NTM: variants seen among roughly 807,000 people sequenced by gnomAD.
The protein encoded by NTM is neurotrimin.
A neutral mutation model predicts 42.1 loss-of-function variants in NTM; 13 were observed. The ratio of observed to expected loss-of-function variants is 0.31; its 90% CI spans 0.20 to 0.49. The LOEUF (loss-of-function observed/expected upper bound fraction) is 0.49. Ranked by LOEUF, NTM falls within the 20% of genes least tolerant of loss-of-function variation. The pLI is 0.99. For missense variants in NTM, 373 were observed against 452.8 expected, an observed-to-expected ratio of 0.82 and a Z score of 1.60; for synonymous variants, 187 against 179.2, an observed-to-expected ratio of 1.04 and a Z score of -0.35.
chr11:131,418,612 G>A (rs957026770), intron 1 of NTM, among the ~76,000 whole-genome samples: 2 of 152,172 alleles, frequency 1.3e-5, no homozygotes, highest in African/African-American at 4.8e-5. Flanking sequence ...AATTGGCCTC[G>A]AAAGCCCACA....
chr11:132,060,740 A>G (rs974233026), intron 2 of NTM, among the ~76,000 whole-genome samples: 1 of 152,122 alleles, frequency 6.6e-6, no homozygotes, highest in Admixed American at 6.5e-5. Context: ...TTATCTTTTC[A>G]TGAGGGTCTA....
intron 1 of NTM, among the ~76,000 whole-genome samples, chr11:131,743,658 G>C (rs1042868245): frequency 3.3e-5 from 5 of 152,174 alleles, no homozygotes; most frequent in Non-Finnish European, 7.3e-5. Context: ...ACACCTGCAA[G>C]CTACTGCACC....
At chr11:131,883,499 G>A (rs1371849590) in intron 1 of NTM, among the ~76,000 whole-genome samples, 2 of 116,100 alleles carry the variant, frequency 1.7e-5, no homozygotes, top group African/African-American at 5.5e-5. Flanking sequence ...AACAGAGAGG[G>A]AGAGAGAAAA....
chr11:131,944,501 A>G (rs964963508), intron 2 of NTM, among the ~76,000 whole-genome samples: 1 of 152,202 alleles, frequency 6.6e-6, no homozygotes, highest in Non-Finnish European at 1.5e-5. Flanking sequence ...TGATATCAGC[A>G]TGTAATCTCA....
intron 2 of NTM, among the ~76,000 whole-genome samples, chr11:132,121,432 C>T (rs1023196916): frequency 3.3e-5 from 5 of 151,980 alleles, no homozygotes; most frequent in Non-Finnish European, 4.4e-5. Context: ...TCAACAGAGG[C>T]GTGATGAAAT....
intron 2 of NTM, among the ~76,000 whole-genome samples, chr11:132,126,003 A>G (rs1363587323): frequency 6.6e-6 from 1 of 151,980 alleles, no homozygotes; most frequent in Non-Finnish European, 1.5e-5. Flanking sequence ...GAAGAAGCGC[A>G]GCCCAGCAAA....
At chr11:131,638,332 C>T (rs913834961) in intron 1 of NTM, among the ~76,000 whole-genome samples, 1 of 151,834 alleles carries the variant, frequency 6.6e-6, no homozygotes, top group East Asian at 1.9e-4. Context: ...TTTGGGAGGC[C>T]GAGACGGGCA....
Position 132,242,455 on chromosome 11 carries a change from G to A in NTM, c.526+30308G>A, listed in dbSNP as rs528502725. 2.0e-4 allele frequency among the ~76,000 whole-genome samples: 31 copies of A among 152,298 alleles called. 1 individual carries two copies. In the South Asian group the frequency reaches 4.8e-3, roughly 23 times the overall value. On this transcript the variant is annotated intron_variant, in intron 4 of 8. Transcript: ENST00000683400. ...GTGGGTGGGGACAGAGTGCAAGAGG[G>A]AGAAAGAAAGAATAGCAAAGAAAGA...
chr11:131,814,945 G>C (rs990909655), intron 1 of NTM, among the ~76,000 whole-genome samples: 1 of 152,228 alleles, frequency 6.6e-6, no homozygotes, highest in Admixed American at 6.5e-5. Flanking sequence ...TCCCAGCTCT[G>C]CTGCCAGCTT....
At position 132,314,489 on chromosome 11, in the gene NTM, C is replaced by T. The variant is rs2095370625; in HGVS notation, c.783-63C>T. ...GAAGACCAGGAATCCCTGGGCCTAT[C>T]TTCTTCCTATGAGGACACATAACCA... is the stretch of plus-strand genomic sequence containing the variant. On this transcript the variant is annotated intron_variant, in intron 6 of 8. Transcript: ENST00000683400. 2.6e-6 allele frequency: 4 copies of T among 1,530,146 alleles called. No individual in the cohort carries two copies. The South Asian group carries it at 5.3e-5, about 20-fold the overall frequency. The allele number at this position is 1,530,146 out of a possible 1,614,324, so 94.8% of individuals were successfully genotyped here. A position where few individuals can be genotyped will look rare whatever the true frequency, so the allele number is the denominator to read the frequency against.
intron 1 of NTM, among the ~76,000 whole-genome samples, chr11:131,665,458 G>T (rs1203169543): frequency 2.0e-5 from 3 of 152,186 alleles, no homozygotes; most frequent in Admixed American, 6.5e-5. Flanking sequence ...GATACTTAAA[G>T]AGGTGATTAG....
At chr11:132,108,291 C>A (rs904270985) in intron 2 of NTM, among the ~76,000 whole-genome samples, 1 of 152,170 alleles carries the variant, frequency 6.6e-6, no homozygotes, top group Non-Finnish European at 1.5e-5. Flanking sequence ...TCCTAGCTGA[C>A]CTCTTTGTTA....
At chr11:131,858,248 G>A (rs145290518) in intron 1 of NTM, among the ~76,000 whole-genome samples, 20 of 151,776 alleles carry the variant, frequency 1.3e-4, no homozygotes, top group African/African-American at 4.4e-4. Context: ...GTTACTTTGC[G>A]GAAGCTTCTA....
At chr11:131,977,891 A>G (rs1301626763) in intron 2 of NTM, among the ~76,000 whole-genome samples, 2 of 152,226 alleles carry the variant, frequency 1.3e-5, no homozygotes, top group Non-Finnish European at 1.5e-5. Context: ...ACAGCCCAAA[A>G]TAATTTATGG....
At chr11:131,866,887 AG>A (rs35323276) in intron 1 of NTM, among the ~76,000 whole-genome samples, 1 of 152,158 alleles carries the variant, frequency 6.6e-6, no homozygotes, top group Non-Finnish European at 1.5e-5. Flanking sequence ...TGATATCTTC[AG>A]GGAAAGTAGA....
chr11:131,564,062 G>C (rs186353571), intron 1 of NTM, among the ~76,000 whole-genome samples: 1 of 152,232 alleles, frequency 6.6e-6, no homozygotes, highest in African/African-American at 2.4e-5. Context: ...TTGCTTATCA[G>C]CTTCAACTGC....
chr11:132,307,753 G>A lies in NTM; in HGVS notation c.591G>A (p.Gly197=). ...EIQGITREQS[G]DYECSASNDV... The stretch of plus-strand genomic sequence containing the variant: ...AGGGCATCACCAGGGAGCAGTCAGG[G>A]GACTACGAGTGCAGTGCCTCCAATG... Residue 197 remains glycine (G), a synonymous_variant, in exon 5 of 9, where the codon GGG becomes GGA. Transcript: ENST00000683400. 2 of 1,614,196 alleles carry A rather than the reference G, an allele frequency of 1.2e-6. No homozygotes were observed. Among genetic ancestry groups the A allele is most frequent in the South Asian group, 1.1e-5 (1 of 91,080 alleles).
Position 131,634,273 on chromosome 11 carries a change from G to A in NTM, c.82+263385G>A, listed in dbSNP as rs536715611. ...CACGGAGGCATCTATGATTGAATGC[G>A]TCGAAAATTGGCTGAAATTGAAAGT... On this transcript the variant is annotated intron_variant, in intron 1 of 8. Coordinates refer to ENST00000683400, the MANE Select transcript of NTM (RefSeq NM_001352005.2). Among the ~76,000 whole-genome samples the A allele has an allele frequency of 4.1e-4, 62 of 152,242 alleles. 1 individual carries two copies. The South Asian group carries it at 5.2e-3, about 13-fold the overall frequency.
At chr11:132,212,584 A>T (rs2083042808) in intron 4 of NTM, among the ~76,000 whole-genome samples, 1 of 152,194 alleles carries the variant, frequency 6.6e-6, no homozygotes, top group African/African-American at 2.4e-5. Context: ...CTTGCCAAAA[A>T]TCTGGTCACG....
Sources: gnomAD v4.1 joint callset for allele counts (sites outside exome capture counted in the v4.1 genomes callset) on GRCh38, gnomAD v4.1.1 for gene constraint, MANE v1.5 for transcripts, NCBI Gene and HGNC (gene_info 2026-07-23, HGNC 2026-07-21) for gene names.